Variants in CLN3 observed in about 807,000 individuals in gnomAD.
CLN3 encodes battenin.
Under a neutral mutation model 60.7 loss-of-function variants are expected in CLN3, and 49 were observed. That is an observed-to-expected ratio of 0.81 (90% confidence interval 0.64 to 1.02). The LOEUF is 1.02. Among genes scored for constraint, CLN3 ranks in the 50% least tolerant of loss-of-function variants. The pLI, the probability that CLN3 is intolerant of heterozygous loss-of-function variation, is 0.00. For missense variants in CLN3, 516 were observed against 557.4 expected, an observed-to-expected ratio of 0.93 and a Z score of 0.75; for synonymous variants, 256 against 245.8, an observed-to-expected ratio of 1.04 and a Z score of -0.39.
chr16:28,488,831 A>G (rs2046266003), intron 4 of CLN3, among the ~76,000 whole-genome samples, 169 bp from the exon 5 acceptor site: 1 of 152,172 alleles, frequency 6.6e-6, no homozygotes, highest in East Asian at 1.9e-4. Flanking sequence ...GGGTTTCCAT[A>G]TGAGTCTCAC....
At chr16:28,482,281 G>T in intron 13 of CLN3, 46 bp downstream of exon 13, 3 of 1,606,872 alleles carry the variant, frequency 1.9e-6, no homozygotes, top group Non-Finnish European at 2.6e-6. Flanking sequence ...CAGGGCAGCT[G>T]CATCACCACG....
intron 3 of CLN3, 136 bp downstream of exon 3, chr16:28,491,346 T>G: frequency 7.7e-7 from 1 of 1,293,378 alleles, no homozygotes; most frequent in Non-Finnish European, 1.1e-6. Context: ...ATGCTGCCCC[T>G]GGGGCAAACC....
intron 10 of CLN3, among the ~76,000 whole-genome samples, chr16:28,483,640 T>C (rs1227497795): frequency 6.6e-6 from 1 of 151,914 alleles, no homozygotes; most frequent in Non-Finnish European, 1.5e-5. Flanking sequence ...GCACTTGTGA[T>C]TGGAATGCCT....
intron 10 of CLN3, 61 bp downstream of exon 10, chr16:28,483,945 G>C (rs1596558546): frequency 1.6e-6 from 2 of 1,218,986 alleles, no homozygotes; most frequent in South Asian, 2.6e-5. Flanking sequence ...CTATTGCAGA[G>C]AGGAAAAGGC....
At chr16:28,488,518 G>A (rs1173923157) in intron 5 of CLN3, 73 bp downstream of exon 5, 10 of 1,333,932 alleles carry the variant, frequency 7.5e-6, no homozygotes, top group Non-Finnish European at 9.7e-6. Context: ...GCTGGGTAGT[G>A]AAGGGCTGGG....
downstream of CLN3, chr16:28,469,657 T>C (rs1261532562): frequency 2.3e-4 from 81 of 353,008 alleles, no homozygotes; most frequent in Admixed American, 3.1e-3. Context: ...TTTATGCTGG[T>C]GTATGTACTT....
At chr16:28,478,008 TC>T (rs2046026000) in intron 14 of CLN3, 131 bp from the exon 15 acceptor site, 2 of 1,057,978 alleles carry the variant, frequency 1.9e-6, no homozygotes, top group East Asian at 5.1e-5. Flanking sequence ...AGATAAAATC[TC>T]AACACCAGCC....
intron 9 of CLN3, among the ~76,000 whole-genome samples, chr16:28,485,395 C>T (rs570328392): frequency 6.1e-4 from 91 of 149,724 alleles, no homozygotes; most frequent in African/African-American, 2.1e-3. Flanking sequence ...AGTGAAACCC[C>T]GTCTCTACTA....
chr16:28,483,320 C>T (rs2046136600), intron 10 of CLN3, among the ~76,000 whole-genome samples: 1 of 151,840 alleles, frequency 6.6e-6, no homozygotes. Flanking sequence ...CTCCTGGGTT[C>T]AAGTGATTCT....
chr16:28,477,902 C>A, intron 14 of CLN3, 25 bp from the exon 15 acceptor site: 1 of 1,612,886 alleles, frequency 6.2e-7, no homozygotes, highest in East Asian at 2.2e-5. Flanking sequence ...AGAGGCTAAG[C>A]CTGGGACCAG....
At chr16:28,487,216 C>A (rs1596562473) in intron 7 of CLN3, 1 of 595,650 alleles carries the variant, frequency 1.7e-6, no homozygotes, top group South Asian at 1.9e-5. Flanking sequence ...TGGTCCATCA[C>A]AGAGTCTTGA....
At chr16:28,478,658 TAAAG>T (rs1302949428) in intron 14 of CLN3, among the ~76,000 whole-genome samples, 17 of 145,172 alleles carry the variant, frequency 1.2e-4, no homozygotes, top group Non-Finnish European at 2.2e-4. Context: ...GGAGGCTTCT[TAAAG>T]GAAGTGGGAC....
chr16:28,488,040 C>CTATA (rs59962005), intron 5 of CLN3: 5 of 345,274 alleles, frequency 1.4e-5, no homozygotes, highest in East Asian at 1.4e-4. Context: ...GACTCAGAAA[C>CTATA]TATATATATA....
chr16:28,476,764 C>T (rs2046000467), downstream of CLN3: 3 of 152,692 alleles, frequency 2.0e-5, no homozygotes, highest in Admixed American at 6.5e-5. Flanking sequence ...AACTTTCATG[C>T]TGGAAAGAAT....
chr16:28,491,791 G>A lies in CLN3; in HGVS notation c.-32C>T. 6.2e-7 allele frequency: 1 copy of A among 1,612,216 alleles called. No homozygotes were observed. Among genetic ancestry groups the A allele is most frequent in the Non-Finnish European group, 8.5e-7 (1 of 1,179,822 alleles). The stretch of plus-strand genomic sequence containing the variant: ...AAGTTCAGGTCCCCCGAGGGTCCAG[G>A]GTCATAGAGTGTCCAAAGGGGGCTC... On this transcript the variant is annotated 5_prime_UTR_variant, in exon 2 of 16. Coordinates refer to ENST00000636147, the MANE Select transcript of CLN3 (RefSeq NM_001042432.2).
At chr16:28,487,794 C>A in intron 5 of CLN3, 53 bp from the exon 6 acceptor site, 1 of 1,472,274 alleles carries the variant, frequency 6.8e-7, no homozygotes, top group South Asian at 1.2e-5. Flanking sequence ...ACAACCCTCC[C>A]AACCACGTGG....
downstream of CLN3, among the ~76,000 whole-genome samples, chr16:28,472,224 G>C (rs953372588): frequency 6.6e-6 from 1 of 151,964 alleles, no homozygotes; most frequent in East Asian, 1.9e-4. Flanking sequence ...ACCAGACTGG[G>C]CAACATAGTG....
intron 14 of CLN3, chr16:28,479,694 G>A: frequency 5.5e-6 from 1 of 180,384 alleles, no homozygotes; most frequent in South Asian, 7.8e-5. Flanking sequence ...GCTTGAATCT[G>A]GGAGGCAGGG....
downstream of CLN3, among the ~76,000 whole-genome samples, chr16:28,474,769 A>G (rs2045977813): frequency 6.6e-6 from 1 of 152,206 alleles, no homozygotes; most frequent in African/African-American, 2.4e-5. Flanking sequence ...TAAGTCAAAA[A>G]ATTGAAACCC....
Sources: allele counts gnomAD v4.1 joint callset (sites outside exome capture counted in the v4.1 genomes callset), GRCh38; gene constraint gnomAD v4.1.1; transcripts MANE v1.5; gene names NCBI Gene and HGNC (gene_info 2026-07-23, HGNC 2026-07-21).